MTHFD2L: variants seen among roughly 807,000 people sequenced by gnomAD.
MTHFD2L encodes bifunctional methylenetetrahydrofolate dehydrogenase/cyclohydrolase 2, mitochondrial.
MTHFD2L carries 29 observed loss-of-function variants against 34.9 expected under a neutral mutation model. That is an observed-to-expected ratio of 0.83 (90% confidence interval 0.62 to 1.13). The LOEUF (loss-of-function observed/expected upper bound fraction) is 1.13, where lower values mean the gene tolerates loss of function less well. MTHFD2L is among the 50% of genes most tolerant of loss of function. The pLI, the probability that MTHFD2L is intolerant of heterozygous loss-of-function variation, is 0.00. For synonymous variants in MTHFD2L, 167 were observed against 155.7 expected, an observed-to-expected ratio of 1.07 and a Z score of -0.54; for missense variants, 481 against 446.5, an observed-to-expected ratio of 1.08 and a Z score of -0.70.
chr4:74,182,627 T>A (rs1730412142), intron 3 of MTHFD2L: 1 of 152,176 alleles, frequency 6.6e-6, no homozygotes, highest in South Asian at 2.1e-4. Context: ...ATTCTGTTGT[T>A]CTCTATTTGG....
chr4:74,265,872 G>T (rs944398904), intron 6 of MTHFD2L, among the ~76,000 whole-genome samples: 46 of 152,184 alleles, frequency 3.0e-4, no homozygotes, highest in African/African-American at 1.1e-3. Flanking sequence ...GGGTGAAGAA[G>T]AAATGCAGTT....
chr4:74,163,030 T>A (rs1311313011), intron 1 of MTHFD2L, among the ~76,000 whole-genome samples: 1 of 152,072 alleles, frequency 6.6e-6, no homozygotes, highest in Non-Finnish European at 1.5e-5. Context: ...ATTCAGAGGA[T>A]CCATAAACTT....
upstream of MTHFD2L, among the ~76,000 whole-genome samples, chr4:74,122,870 G>A (rs184835537): frequency 1.2e-3 from 188 of 152,268 alleles, 2 homozygotes; most frequent in East Asian, 0.022. Flanking sequence ...AGTTTTGATA[G>A]TTGTATTCTG....
Position 74,269,359 on chromosome 4 carries a change from G to A in MTHFD2L, c.806-12066G>A, listed in dbSNP as rs550028510. On this transcript the variant is annotated intron_variant, in intron 6 of 7. Coordinates refer to ENST00000325278, the MANE Select transcript of MTHFD2L (RefSeq NM_001144978.3). ...AATTTTCTAAATGATAATATTATAG[G>A]TATGTAACAATTCAATTTCATATGC... Among the ~76,000 whole-genome samples, 114 of 152,106 alleles carry A rather than the reference G, an allele frequency of 7.5e-4. 1 individual carries two copies. The highest frequency in any genetic ancestry group is 1.6e-3 in the Non-Finnish European group (109 of 67,960).
At chr4:74,148,659 A>G (rs75451741) in intron 1 of MTHFD2L, among the ~76,000 whole-genome samples, 1 of 151,880 alleles carries the variant, frequency 6.6e-6, no homozygotes, top group African/African-American at 2.4e-5. Flanking sequence ...AATATTCCAT[A>G]TGAATTTTAG....
chr4:74,228,955 A>G (rs1739607782), intron 6 of MTHFD2L, among the ~76,000 whole-genome samples: 1 of 152,204 alleles, frequency 6.6e-6, no homozygotes, highest in Admixed American at 6.6e-5. Context: ...CACCATGCTA[A>G]TACTAGTTAG....
At chr4:74,171,058 A>G (rs1401506615) in intron 1 of MTHFD2L, among the ~76,000 whole-genome samples, 1 of 152,044 alleles carries the variant, frequency 6.6e-6, no homozygotes, top group Non-Finnish European at 1.5e-5. Context: ...GAGCACACCA[A>G]CATGGCACAT....
intron 6 of MTHFD2L, among the ~76,000 whole-genome samples, chr4:74,265,959 A>G (rs1291859458): frequency 1.3e-5 from 2 of 152,080 alleles, no homozygotes; most frequent in East Asian, 3.9e-4. Context: ...TTTTCTTTCA[A>G]AGTGCTTTAA....
intron 1 of MTHFD2L, among the ~76,000 whole-genome samples, chr4:74,134,632 C>A (rs1427776680): frequency 1.3e-4 from 20 of 151,994 alleles, no homozygotes; most frequent in Non-Finnish European, 1.5e-5. Context: ...AAAGTTCCAG[C>A]GACTGACCCT....
chr4:74,225,365 A>C lies in MTHFD2L; in HGVS notation c.776A>C (p.Gln259Pro), dbSNP rs1372018852. ...AAAGAGCAACTGAAGATTCATACGC[A>C]GCTGGCAGATATTATCATAGTTGCT... ...TPKEQLKIHT[Q>P]LADIIIVAAG... Residue 259 changes from glutamine to proline, a missense_variant, in exon 6 of 8, where the codon CAG becomes CCG. Gln to Pro is a moderately conservative substitution (Grantham distance 76). Coordinates refer to ENST00000325278, the MANE Select transcript of MTHFD2L (RefSeq NM_001144978.3). The C allele has an allele frequency of 3.1e-6, 5 of 1,613,144 alleles. No individual in the cohort carries two copies. The highest frequency in any genetic ancestry group is 4.2e-6 in the Non-Finnish European group (5 of 1,179,324).
At chr4:74,158,970 G>A (rs1724812941) in intron 1 of MTHFD2L, among the ~76,000 whole-genome samples, 1 of 152,156 alleles carries the variant, frequency 6.6e-6, no homozygotes, top group Non-Finnish European at 1.5e-5. Context: ...TTGACCCAGA[G>A]CTTGTGAGTC....
chr4:74,263,835 G>A (rs1744977386), intron 6 of MTHFD2L, among the ~76,000 whole-genome samples: 1 of 151,878 alleles, frequency 6.6e-6, no homozygotes. Context: ...GCATAATTCA[G>A]TATATTAAAA....
chr4:74,143,437 T>A, intron 1 of MTHFD2L: 1 of 985,384 alleles, frequency 1.0e-6, no homozygotes, highest in Non-Finnish European at 1.2e-6. Flanking sequence ...TTACTCCAAT[T>A]TTCACGCTGA....
intron 1 of MTHFD2L, among the ~76,000 whole-genome samples, chr4:74,134,335 C>T (rs1722753261): frequency 1.3e-5 from 2 of 152,182 alleles, no homozygotes; most frequent in African/African-American, 4.8e-5. Context: ...ACACCCGTGG[C>T]CGGCCTTCCC....
chr4:74,289,326 C>A (rs369037474), intron 7 of MTHFD2L, among the ~76,000 whole-genome samples: 11 of 152,182 alleles, frequency 7.2e-5, no homozygotes, highest in African/African-American at 2.6e-4. Context: ...AGCAGCATTC[C>A]AGGCAAGTGG....
chr4:74,231,452 C>A (rs948646746), intron 6 of MTHFD2L, among the ~76,000 whole-genome samples: 2 of 152,176 alleles, frequency 1.3e-5, no homozygotes, highest in African/African-American at 4.8e-5. Context: ...CTGAGTGCTT[C>A]CTGAGTGATG....
chr4:74,139,308 G>C (rs1290530007), intron 1 of MTHFD2L, among the ~76,000 whole-genome samples: 1 of 152,088 alleles, frequency 6.6e-6, no homozygotes, highest in Non-Finnish European at 1.5e-5. Context: ...CCTATGGATG[G>C]TACTTCTTAC....
At chr4:74,154,774 C>T (rs1263189034), upstream of MTHFD2L, among the ~76,000 whole-genome samples, 2 of 152,214 alleles carry the variant, frequency 1.3e-5, no homozygotes, top group Non-Finnish European at 2.9e-5. Flanking sequence ...AATATCTGGG[C>T]TGAAGGTGTG....
At chr4:74,149,954 T>C (rs961641971) in intron 1 of MTHFD2L, among the ~76,000 whole-genome samples, 12 of 152,166 alleles carry the variant, frequency 7.9e-5, no homozygotes, top group African/African-American at 2.9e-4. Flanking sequence ...AATCAAATCA[T>C]GAGGCCTTTA....
Sources: allele counts gnomAD v4.1 joint callset (sites outside exome capture counted in the v4.1 genomes callset), GRCh38; gene constraint gnomAD v4.1.1; transcripts MANE v1.5; gene names NCBI Gene and HGNC (gene_info 2026-07-23, HGNC 2026-07-21).